WDR36: variants seen among roughly 807,000 people sequenced by gnomAD.
WDR36 encodes WD repeat-containing protein 36.
A neutral mutation model predicts 112.7 loss-of-function variants in WDR36; 63 were observed. The ratio of observed to expected loss-of-function variants is 0.56; its 90% CI spans 0.46 to 0.69. The LOEUF (loss-of-function observed/expected upper bound fraction) is 0.69, where lower values mean the gene tolerates loss of function less well. WDR36 is among the 30% of genes least tolerant of loss of function. WDR36 has a pLI of 0.00. For missense variants in WDR36, 1,226 were observed against 1,070.3 expected (o/e 1.15, Z -2.03); for synonymous variants, 410 against 362.2 (o/e 1.13, Z -1.50).
chr5:111,105,266 G>T (rs941135518), intron 9 of WDR36, 29 bp from the exon 10 acceptor site: 24 of 1,600,924 alleles, frequency 1.5e-5, no homozygotes, highest in Non-Finnish European at 2.0e-5. Flanking sequence ...AATGAAGCTT[G>T]ATTAGGGATT....
Position 111,110,994 on chromosome 5 carries a change from T to C in WDR36, c.1607+41T>C, listed in dbSNP as rs369926912. 8 of 1,606,548 alleles carry C rather than the reference T, an allele frequency of 5.0e-6. No homozygotes were observed. In the African/African-American group the frequency reaches 9.4e-5, roughly 19 times the overall value. Reference sequence around the variant, plus strand: ...TAATGGATTTTCTCTTTGATTCTTTTGGTAAAAGTCATAAAGTCACAATTT... The same window carrying C: ...TAATGGATTTTCTCTTTGATTCTTTCGGTAAAAGTCATAAAGTCACAATTT... On this transcript the variant is annotated intron_variant, in intron 14 of 22. Coordinates refer to ENST00000513710, the MANE Select transcript of WDR36 (RefSeq NM_139281.3).
At position 111,106,210 on chromosome 5, in the gene WDR36, T is replaced by C; in HGVS notation, c.1180+67T>C. ...CATTTATTTCCTACTGTATGCTGTT[T>C]TATTTTCTGTTTTAATAAATGCTTT... On this transcript the variant is annotated intron_variant, in intron 11 of 22. Transcript: ENST00000513710. 6 of 1,352,430 alleles carry C rather than the reference T, an allele frequency of 4.4e-6. No homozygotes were observed. In the Middle Eastern group the frequency reaches 5.4e-4, roughly 123 times the overall value. 83.8% of individuals were successfully genotyped at this position (1,352,430 alleles called of 1,614,324 possible). A position where few individuals can be genotyped will look rare whatever the true frequency, so the allele number is the denominator to read the frequency against.
Position 111,125,776 on chromosome 5 carries a change from A to T in WDR36, c.2519A>T (p.Tyr840Phe). The change falls in exon 22 of 23, where the codon TAC becomes TTC. Residue 840 changes from tyrosine (Y) to phenylalanine (F), a missense_variant. Tyr to Phe is a conservative substitution (Grantham distance 22, BLOSUM62 3). Coordinates refer to ENST00000513710, the MANE Select transcript of WDR36 (RefSeq NM_139281.3). ...CGTGATTTTGAGTTAGCCCAGGCAT[A>T]CCTTGCATTGTTTCTAAAGGTAAGT... ...RKRDFELAQAYLALFLKLHLK... is the reference protein window; with the variant it reads ...RKRDFELAQAFLALFLKLHLK... 1 of 1,613,804 alleles carries T rather than the reference A, an allele frequency of 6.2e-7. No homozygotes were observed. The highest frequency in any genetic ancestry group is 8.5e-7 in the Non-Finnish European group (1 of 1,179,772).
chr5:111,106,071 AAG>A lies in WDR36; in HGVS notation c.1113_1114del (p.Arg371SerfsTer2). ...KSLGHGLINK[K>X]RVKRKGLQNT... ...CCCATCCTTAGGATTAATAAATAAA[AAG>A]AGAGTTAAACGTAAAGGACTTCAGA... is the stretch of plus-strand genomic sequence containing the variant. On this transcript the variant is annotated frameshift_variant, in exon 11 of 23. Coordinates refer to ENST00000513710, the MANE Select transcript of WDR36 (RefSeq NM_139281.3). LOFTEE classifies it high-confidence loss of function. The A allele has an allele frequency of 1.9e-6, 3 of 1,609,260 alleles. No individual in the cohort carries two copies. Among genetic ancestry groups the A allele is most frequent in the Non-Finnish European group, 2.6e-6 (3 of 1,176,454 alleles).
At position 111,130,078 on chromosome 5, in the gene WDR36, T is replaced by C. The variant is rs1044184945; in HGVS notation, c.*3195T>C. On this transcript the variant is annotated 3_prime_UTR_variant, in exon 23 of 23. Transcript: ENST00000513710. ...AAGCCTTCCTCATGTTCTATAAAAA[T>C]TGGTTAACTGCTGGTGAGCACATCT... 4.7e-6 allele frequency: 1 copy of C among 210,560 alleles called. No individual in the cohort carries two copies. The highest frequency in any genetic ancestry group is 5.9e-5 in the Admixed American group (1 of 16,956). The allele number at this position is 210,560 out of a possible 1,614,324, so 13.0% of individuals were successfully genotyped here.
At chr5:111,098,603 G>T in intron 3 of WDR36, 119 bp from the exon 4 acceptor site, 2 of 740,860 alleles carry the variant, frequency 2.7e-6, no homozygotes. Context: ...ATAATCAAAA[G>T]TTGGGGTACA....
chr5:111,111,665 T>C (rs1268125081), intron 15 of WDR36: 1 of 197,398 alleles, frequency 5.1e-6, no homozygotes, highest in African/African-American at 2.4e-5. Flanking sequence ...GAATATCTGG[T>C]ATCTGGTTTA....
intron 4 of WDR36, among the ~76,000 whole-genome samples, chr5:111,100,303 T>G (rs1753097418): frequency 6.6e-6 from 1 of 151,986 alleles, no homozygotes; most frequent in Admixed American, 6.6e-5. Context: ...TTTTTAACTT[T>G]ATTATCCTTT....
intron 16 of WDR36, among the ~76,000 whole-genome samples, chr5:111,113,482 A>T (rs2112581414): frequency 1.3e-5 from 2 of 152,222 alleles, no homozygotes; most frequent in Middle Eastern, 3.4e-3. Flanking sequence ...TAAGGATGGC[A>T]AACTTTTGAG....
intron 3 of WDR36, 73 bp downstream of exon 3, chr5:111,097,252 G>T: frequency 9.1e-7 from 1 of 1,098,860 alleles, no homozygotes; most frequent in Admixed American, 1.7e-5. Flanking sequence ...CTTTAATTTT[G>T]TCATTCTTTA....
At position 111,127,413 on chromosome 5, in the gene WDR36, T is replaced by C; in HGVS notation, c.*530T>C. ...ATAAAACTGATACATGATGTAGTTA[T>C]AAAAATGCTGTTATGAAGAAAAAAG... is the stretch of plus-strand genomic sequence containing the variant. On this transcript the variant is annotated 3_prime_UTR_variant, in exon 23 of 23. Coordinates refer to ENST00000513710, the MANE Select transcript of WDR36 (RefSeq NM_139281.3). The C allele has an allele frequency of 5.0e-6, 1 of 201,510 alleles. No individual in the cohort carries two copies. The highest frequency in any genetic ancestry group is 1.0e-5 in the Non-Finnish European group (1 of 97,716). 12.5% of individuals were successfully genotyped at this position (201,510 alleles called of 1,614,324 possible).
chr5:111,110,983 T>C (rs1371663764), intron 14 of WDR36, 30 bp downstream of exon 14: 1 of 1,608,810 alleles, frequency 6.2e-7, no homozygotes, highest in Non-Finnish European at 8.5e-7. Flanking sequence ...GGATTTTCTC[T>C]TTGATTCTTT....
intron 19 of WDR36, among the ~76,000 whole-genome samples, chr5:111,121,477 A>G (rs1255096303): frequency 6.6e-6 from 1 of 152,164 alleles, no homozygotes; most frequent in Non-Finnish European, 1.5e-5. Context: ...ACATATGGCT[A>G]TTATAACATA....
rs1753216771 is a variant in WDR36, at chr5:111,106,077, G to A, written c.1114G>A (p.Val372Ile). 6.2e-7 allele frequency: 1 copy of A among 1,609,562 alleles called. No individual in the cohort carries two copies. The highest frequency in any genetic ancestry group is 8.5e-7 in the Non-Finnish European group (1 of 1,176,748). The change falls in exon 11 of 23, where the codon GTT (valine) becomes ATT (isoleucine). Residue 372 changes from valine to isoleucine, a missense_variant. By Grantham distance (29) the Val-to-Ile change is conservative. Transcript: ENST00000513710. Reference sequence around the variant, plus strand: ...CTTAGGATTAATAAATAAAAAGAGAGTTAAACGTAAAGGACTTCAGAATAC... The same window carrying A: ...CTTAGGATTAATAAATAAAAAGAGAATTAAACGTAAAGGACTTCAGAATAC... ...LGHGLINKKR[V>I]KRKGLQNTMS...
chr5:111,116,566 G>A (rs1420695200), intron 16 of WDR36, among the ~76,000 whole-genome samples: 4 of 151,920 alleles, frequency 2.6e-5, no homozygotes, highest in African/African-American at 9.7e-5. Context: ...CTTAGAATAG[G>A]AATTGTTTTA....
At chr5:111,116,078 G>C (rs966187707) in intron 16 of WDR36, among the ~76,000 whole-genome samples, 2 of 151,818 alleles carry the variant, frequency 1.3e-5, no homozygotes, top group African/African-American at 4.8e-5. Flanking sequence ...GAGCAGCTGG[G>C]ACCACAGGCG....
rs368570444 is a variant in WDR36 at position 111,092,361 on chromosome 5, C to G, written c.-96C>G. The G allele has an allele frequency of 6.2e-7, 1 of 1,614,250 alleles. No individual in the cohort carries two copies. Among genetic ancestry groups the G allele is most frequent in the Non-Finnish European group, 8.5e-7 (1 of 1,180,048 alleles). ...GCCGGAAGCGGTGTTGTGTCTGCAG[C>G]TCTGGCAGAGGACTGTTCCACTAGA... On this transcript the variant is annotated 5_prime_UTR_variant, in exon 1 of 23. Transcript: ENST00000513710.
Position 111,128,442 on chromosome 5 carries a change from G to A in WDR36, c.*1559G>A, listed in dbSNP as rs149151603. ...ACTTATTAAAGCCACTGACAGAAATGTTAATCATGACTTAAGTTCTAATTT... is the reference window on the plus strand; with the variant it reads ...ACTTATTAAAGCCACTGACAGAAATATTAATCATGACTTAAGTTCTAATTT... On this transcript the variant is annotated 3_prime_UTR_variant, in exon 23 of 23. Coordinates refer to ENST00000513710, the MANE Select transcript of WDR36 (RefSeq NM_139281.3). 1.7e-5 allele frequency: 3 copies of A among 181,376 alleles called. No individual in the cohort carries two copies. Among genetic ancestry groups the A allele is most frequent in the Admixed American group, 1.3e-4 (2 of 15,938 alleles). The allele number at this position is 181,376 out of a possible 1,614,324, so 11.2% of individuals were successfully genotyped here. A position where few individuals can be genotyped will look rare whatever the true frequency, so the allele number is the denominator to read the frequency against.
chr5:111,102,760 A>T (rs1441957000), intron 6 of WDR36, among the ~76,000 whole-genome samples: 1 of 151,704 alleles, frequency 6.6e-6, no homozygotes, highest in Non-Finnish European at 1.5e-5. Flanking sequence ...ATTTGTCAAG[A>T]TGTTGAGATT....
Sources: allele counts gnomAD v4.1 joint callset (sites outside exome capture counted in the v4.1 genomes callset), GRCh38; gene constraint gnomAD v4.1.1; transcripts MANE v1.5; gene names NCBI Gene and HGNC (gene_info 2026-07-23, HGNC 2026-07-21).